The following PCLO variants were observed in gnomAD, a reference collection of about 807,000 sequenced individuals.
The protein encoded by PCLO is protein piccolo.
Under a neutral mutation model 427.5 loss-of-function variants are expected in PCLO, and 82 were observed. The observed-to-expected ratio is 0.19, with a 90% CI of 0.16 to 0.23. The LOEUF (loss-of-function observed/expected upper bound fraction) is 0.23. Among genes scored for constraint, PCLO ranks in the 10% least tolerant of loss-of-function variants. PCLO has a pLI of 1.00. For synonymous variants in PCLO, 2,357 were observed against 2,155.4 expected (o/e 1.09, Z -2.59); for missense variants, 6,239 against 6,115.9 (o/e 1.02, Z -0.67).
chr7:83,077,137 C>T (rs906026943), intron 3 of PCLO, among the ~76,000 whole-genome samples: 2 of 151,922 alleles, frequency 1.3e-5, no homozygotes, highest in Non-Finnish European at 2.9e-5. Context: ...TATAGGAAGC[C>T]CTTTTCATAG....
At chr7:82,824,656 T>G (rs1050984009) in intron 18 of PCLO, among the ~76,000 whole-genome samples, 2 of 150,670 alleles carry the variant, frequency 1.3e-5, no homozygotes, top group Admixed American at 1.3e-4. Flanking sequence ...TTTTTGACTA[T>G]TAACTAAATT....
Position 83,038,053 on chromosome 7 carries a change from T to A in PCLO, c.3301-71566A>T, listed in dbSNP as rs1351072693. ...TATTTATATATTTATATATATATCT[T>A]TATATATATATTTATATATTTATAT... On this transcript the variant is annotated intron_variant, in intron 3 of 24. Coordinates refer to ENST00000333891, the MANE Select transcript of PCLO (RefSeq NM_033026.6). Among the ~76,000 whole-genome samples, 88 of 44,746 alleles carry A rather than the reference T, an allele frequency of 2.0e-3. 6 individuals carry two copies. Among genetic ancestry groups the A allele is most frequent in the African/African-American group, 5.8e-3 (51 of 8,802 alleles). The allele number at this position is 44,746 out of a possible 152,430, so 29.4% of individuals were successfully genotyped here.
rs73706741 is a variant in PCLO at position 82,813,232 on chromosome 7, C to T, written c.14792-7403G>A. Among the ~76,000 whole-genome samples the T allele has an allele frequency of 3.4e-3, 517 of 151,790 alleles. 4 individuals carry two copies. The highest frequency in any genetic ancestry group is 0.012 in the African/African-American group (500 of 41,492). On this transcript the variant is annotated intron_variant, in intron 20 of 24. Transcript: ENST00000333891. ...TATTTGATAAATGCACGTCTGGTCT[C>T]ATGAGACCTAACCTCTCTAGCTAAT...
chr7:82,969,976 G>T (rs572934807), intron 3 of PCLO, among the ~76,000 whole-genome samples: 4 of 152,100 alleles, frequency 2.6e-5, no homozygotes, highest in African/African-American at 9.6e-5. Flanking sequence ...ATAGAAATAT[G>T]AAATGAAAAT....
chr7:82,848,122 C>T (rs562879447), intron 10 of PCLO, among the ~76,000 whole-genome samples: 1 of 151,736 alleles, frequency 6.6e-6, no homozygotes, highest in Non-Finnish European at 1.5e-5. Context: ...TTTTATATGA[C>T]CTGTCAAAAT....
At chr7:82,794,461 T>G (rs139365159) in intron 22 of PCLO, among the ~76,000 whole-genome samples, 2,498 of 23,256 alleles carry the variant, frequency 0.11, 127 homozygotes, top group African/African-American at 0.39. Flanking sequence ...TTTTTTTTCT[T>G]TTTTTTTTTT....
intron 6 of PCLO, among the ~76,000 whole-genome samples, chr7:82,918,194 T>C (rs1004523007): frequency 6.6e-6 from 1 of 152,002 alleles, no homozygotes; most frequent in Admixed American, 6.6e-5. Context: ...CCAATGTATA[T>C]GGAGTATTGA....
chr7:82,892,462 A>G (rs1584110292), intron 9 of PCLO, among the ~76,000 whole-genome samples: 1 of 152,120 alleles, frequency 6.6e-6, no homozygotes, highest in Non-Finnish European at 1.5e-5. Context: ...TAGACCTAAA[A>G]CCATAATAAT....
chr7:82,839,355 A>G (rs977082051), intron 14 of PCLO, among the ~76,000 whole-genome samples: 8 of 152,110 alleles, frequency 5.3e-5, no homozygotes, highest in African/African-American at 1.9e-4. Flanking sequence ...TTTTGATCTT[A>G]TTATGTTTCC....
chr7:82,759,986 C>T (rs1790396785), intron 24 of PCLO, among the ~76,000 whole-genome samples: 1 of 151,846 alleles, frequency 6.6e-6, no homozygotes, highest in South Asian at 2.1e-4. Context: ...TACCCAGGGT[C>T]ATCAGTAAGG....
In PCLO at chr7:82,943,823, G is replaced by C. The variant is rs546755324; in HGVS notation, c.11112+5653C>G. 5.9e-5 allele frequency among the ~76,000 whole-genome samples: 9 copies of C among 152,094 alleles called. No individual in the cohort carries two copies. The East Asian group carries it at 1.7e-3, about 29-fold the overall frequency. ...ATGGAGAAAGTGTAGTGTGGTCCATGTACGAAATGGAAGAAAAGCACAGAG... is the reference window on the plus strand; with the variant it reads ...ATGGAGAAAGTGTAGTGTGGTCCATCTACGAAATGGAAGAAAAGCACAGAG... On this transcript the variant is annotated intron_variant, in intron 6 of 24. Transcript: ENST00000333891.
At chr7:83,040,957 G>C (rs1228285060) in intron 3 of PCLO, among the ~76,000 whole-genome samples, 2 of 152,060 alleles carry the variant, frequency 1.3e-5, no homozygotes, top group African/African-American at 4.8e-5. Flanking sequence ...ATTTTAAAAG[G>C]ATAATTGTGA....
intron 3 of PCLO, among the ~76,000 whole-genome samples, chr7:83,046,353 C>T (rs887956261): frequency 2.0e-5 from 3 of 152,072 alleles, no homozygotes; most frequent in Admixed American, 6.6e-5. Flanking sequence ...TACAGGTACA[C>T]AACTTGTATT....
intron 3 of PCLO, among the ~76,000 whole-genome samples, chr7:83,009,727 A>G (rs1307565968): frequency 4.6e-5 from 7 of 151,890 alleles, no homozygotes; most frequent in Non-Finnish European, 1.0e-4. Flanking sequence ...AAATTAGATT[A>G]GAAAAATTTA....
chr7:82,769,230 T>C (rs1044876492), intron 22 of PCLO, among the ~76,000 whole-genome samples: 2 of 152,152 alleles, frequency 1.3e-5, no homozygotes, highest in Non-Finnish European at 2.9e-5. Flanking sequence ...TACTGGACTT[T>C]AGAAAGAGGA....
Position 82,759,680 on chromosome 7 carries a change from T to C in PCLO, c.15288+959A>G, listed in dbSNP as rs74348960. Among the ~76,000 whole-genome samples the C allele has an allele frequency of 1.8e-4, 28 of 152,102 alleles. No homozygotes were observed. In the South Asian group the frequency reaches 5.6e-3, roughly 30 times the overall value. On this transcript the variant is annotated intron_variant, in intron 24 of 24. Coordinates refer to ENST00000333891, the MANE Select transcript of PCLO (RefSeq NM_033026.6). Reference sequence around the variant, plus strand: ...CATTTTTGCTTTGTAATATCTTTTATCTTTGTCTCTAATTCAAACCTTTAA... The same window carrying C: ...CATTTTTGCTTTGTAATATCTTTTACCTTTGTCTCTAATTCAAACCTTTAA...
chr7:82,966,124 G>A lies in PCLO; in HGVS notation c.3664C>T (p.Pro1222Ser), dbSNP rs1795765447. The change falls in exon 4 of 25, where the codon CCT becomes TCT. Residue 1222 changes from proline to serine, a missense_variant. Physicochemically the swap from Pro to Ser is moderately conservative, Grantham distance 74. Transcript: ENST00000333891. The stretch of plus-strand genomic sequence containing the variant: ...TCAGAACGTATCTTTTCTTCTTCAG[G>A]GATTAGTTTTTTTTCTTCAGGGAGT... ...KPLPEEKKLI[P>S]EEEKIRSEEK... 1 of 1,604,908 alleles carries A rather than the reference G, an allele frequency of 6.2e-7. No individual in the cohort carries two copies. Among genetic ancestry groups the A allele is most frequent in the African/African-American group, 1.4e-5 (1 of 73,764 alleles).
chr7:82,856,848 G>C (rs889040728), intron 10 of PCLO, among the ~76,000 whole-genome samples: 4 of 152,066 alleles, frequency 2.6e-5, no homozygotes, highest in African/African-American at 7.2e-5. Context: ...ATGGTATTGG[G>C]GGGTGGGTAG....
rs1790301620 is a variant in PCLO at position 82,755,604 on chromosome 7, A to ATTGGAGTAATTACGTATTATATAG, written c.*2947_*2970dup. The ATTGGAGTAATTACGTATTATATAG allele has an allele frequency of 6.6e-6, 1 of 152,146 alleles. No homozygotes were observed. Among genetic ancestry groups the ATTGGAGTAATTACGTATTATATAG allele is most frequent in the South Asian group, 2.1e-4 (1 of 4,828 alleles). 9.4% of individuals were successfully genotyped at this position (152,146 alleles called of 1,614,324 possible). A position where few individuals can be genotyped will look rare whatever the true frequency, so the allele number is the denominator to read the frequency against. ...TGCTCTTCAAGGTAAAAGTGCTGTA[A>ATTGGAGTAATTACGTATTATATAG]TTGGAGTAATTACGTATTATATAGA... On this transcript the variant is annotated 3_prime_UTR_variant, in exon 25 of 25. Coordinates refer to ENST00000333891, the MANE Select transcript of PCLO (RefSeq NM_033026.6).
Sources: allele counts gnomAD v4.1 joint callset (sites outside exome capture counted in the v4.1 genomes callset), GRCh38; gene constraint gnomAD v4.1.1; transcripts MANE v1.5; gene names NCBI Gene and HGNC (gene_info 2026-07-23, HGNC 2026-07-21).